TMTC4: variants seen among roughly 807,000 people sequenced by gnomAD.
TMTC4 encodes protein O-mannosyl-transferase TMTC4.
In TMTC4, 65 loss-of-function variants were observed where a neutral mutation model predicts 86.0. The observed-to-expected ratio is 0.76, with a 90% CI of 0.62 to 0.93. The LOEUF is 0.93. TMTC4 is among the 40% of genes least tolerant of loss of function. TMTC4 has a pLI of 0.00. For missense variants in TMTC4, 866 were observed against 948.1 expected (o/e 0.91, Z 1.14); for synonymous variants, 379 against 382.5 (o/e 0.99, Z 0.11).
chr13:100,650,980 T>C (rs570052430), intron 6 of TMTC4, among the ~76,000 whole-genome samples: 2 of 152,202 alleles, frequency 1.3e-5, no homozygotes, highest in Non-Finnish European at 2.9e-5. Context: ...TATACAGCTA[T>C]AGAACTACAC....
intron 12 of TMTC4, among the ~76,000 whole-genome samples, chr13:100,634,591 C>T (rs1002710774): frequency 6.6e-6 from 1 of 151,992 alleles, no homozygotes; most frequent in African/African-American, 2.4e-5. Context: ...ATACTGTCTG[C>T]TTTTAAATGA....
chr13:100,668,480 T>TA, intron 3 of TMTC4, 99 bp downstream of exon 3: 1 of 1,278,728 alleles, frequency 7.8e-7, no homozygotes, highest in Non-Finnish European at 1.1e-6. Flanking sequence ...GGCCAATGCT[T>TA]AACCTACATT....
intron 6 of TMTC4, 118 bp downstream of exon 6, chr13:100,656,263 G>A: frequency 1.3e-6 from 1 of 788,748 alleles, no homozygotes; most frequent in Non-Finnish European, 2.0e-6. Context: ...CTCTGGCCCA[G>A]ATCCCCTCAG....
intron 17 of TMTC4, among the ~76,000 whole-genome samples, chr13:100,606,854 C>T (rs1362563652): frequency 6.6e-6 from 1 of 152,188 alleles, no homozygotes; most frequent in Admixed American, 6.5e-5. Flanking sequence ...GAACCTACAA[C>T]ACTCTGGGCC....
chr13:100,665,535 A>T (rs540064038), intron 3 of TMTC4, among the ~76,000 whole-genome samples: 1 of 152,348 alleles, frequency 6.6e-6, no homozygotes, highest in South Asian at 2.1e-4. Flanking sequence ...CCTGGCAGAG[A>T]CTGCCTGGCT....
chr13:100,661,123 T>C (rs1885724950), intron 5 of TMTC4, among the ~76,000 whole-genome samples: 2 of 152,236 alleles, frequency 1.3e-5, no homozygotes. Flanking sequence ...TTTGAATGGA[T>C]GTCATGGTGG....
At chr13:100,630,067 ATG>A (rs144614010) in intron 12 of TMTC4, among the ~76,000 whole-genome samples, 10 of 120,334 alleles carry the variant, frequency 8.3e-5, no homozygotes, top group Non-Finnish European at 7.0e-5. Context: ...GTGTGTGTGT[ATG>A]TGTGTGTGTG....
intron 6 of TMTC4, among the ~76,000 whole-genome samples, chr13:100,655,080 G>A (rs1884926124): frequency 6.9e-6 from 1 of 145,538 alleles, no homozygotes; most frequent in East Asian, 2.0e-4. Flanking sequence ...GGAGTGCAGT[G>A]GCGCAATCTC....
chr13:100,606,368 A>C lies in TMTC4; in HGVS notation c.2124T>G (p.His708Gln). 6.2e-7 allele frequency: 1 copy of C among 1,613,430 alleles called. No individual in the cohort carries two copies. Among genetic ancestry groups the C allele is most frequent in the African/African-American group, 1.3e-5 (1 of 75,042 alleles). The change falls in exon 18 of 19, where the codon CAT (histidine) becomes CAG (glutamine). Residue 708 changes from histidine to glutamine, a missense_variant. His to Gln is a conservative substitution (Grantham distance 24, BLOSUM62 0). Transcript: ENST00000342624. Reference protein sequence around the residue: ...IKANPNAASYHGNLAVLYHRW... With the variant: ...IKANPNAASYQGNLAVLYHRW... Reference sequence around the variant, plus strand: ...GAACATTTTTCTTACCCAAATTACCATGGTAACTTGCAGCATTTGGATTTG... The same window carrying C: ...GAACATTTTTCTTACCCAAATTACCCTGGTAACTTGCAGCATTTGGATTTG...
At chr13:100,641,140 C>T (rs1230679717) in intron 7 of TMTC4, among the ~76,000 whole-genome samples, 1 of 152,094 alleles carries the variant, frequency 6.6e-6, no homozygotes, top group Non-Finnish European at 1.5e-5. Flanking sequence ...ACACATATTA[C>T]ACACAGAGAG....
At chr13:100,656,542 CTTTTT>C (rs35563246) in intron 5 of TMTC4, 74 bp from the exon 6 acceptor site, 573 of 385,258 alleles carry the variant, frequency 1.5e-3, no homozygotes, top group Admixed American at 1.8e-3. Context: ...GGAGACATAA[CTTTTT>C]TTTTTTTTTT....
intron 7 of TMTC4, among the ~76,000 whole-genome samples, chr13:100,641,620 TG>T (rs1883025246): frequency 6.6e-6 from 1 of 152,182 alleles, no homozygotes. Context: ...CCTGAGTAGC[TG>T]GGATTATAGG....
At chr13:100,637,127 TG>T (rs1352125862) in intron 9 of TMTC4, among the ~76,000 whole-genome samples, 3 of 152,170 alleles carry the variant, frequency 2.0e-5, no homozygotes, top group Non-Finnish European at 4.4e-5. Context: ...GCTAAGAATC[TG>T]TGGCTTGATA....
At chr13:100,634,693 C>A in intron 12 of TMTC4, 112 bp downstream of exon 12, 3 of 1,277,270 alleles carry the variant, frequency 2.3e-6, no homozygotes, top group East Asian at 2.7e-5. Context: ...CCCAAGTATT[C>A]GGTCATGGTC....
At chr13:100,664,161 A>T in intron 4 of TMTC4, 60 bp downstream of exon 4, 7 of 1,422,296 alleles carry the variant, frequency 4.9e-6, no homozygotes, top group Non-Finnish European at 6.7e-6. Flanking sequence ...ACACACCTGT[A>T]TCCAATGTCA....
chr13:100,671,659 GC>G (rs1887120807), intron 1 of TMTC4, among the ~76,000 whole-genome samples: 1 of 152,014 alleles, frequency 6.6e-6, no homozygotes, highest in Non-Finnish European at 1.5e-5. Flanking sequence ...TACCTCCAAC[GC>G]CCCTGCCCCT....
At chr13:100,611,473 C>T (rs969297166) in intron 17 of TMTC4, among the ~76,000 whole-genome samples, 8 of 152,162 alleles carry the variant, frequency 5.3e-5, no homozygotes, top group Non-Finnish European at 8.8e-5. Context: ...TAGTCCCAGC[C>T]ACTCGGGAGG....
intron 12 of TMTC4, among the ~76,000 whole-genome samples, chr13:100,632,053 ACTCTCTCTCTCT>A (rs67759381): frequency 0.013 from 568 of 43,106 alleles, 9 homozygotes; most frequent in African/African-American, 0.045. Context: ...ACACACACAC[ACTCTCTCTCTCT>A]CTCTCTCTCT....
In TMTC4 at chr13:100,664,320, G is replaced by A. The variant is rs368682558; in HGVS notation, c.236C>T (p.Thr79Met). The A allele has an allele frequency of 1.5e-4, 237 of 1,609,278 alleles. 2 individuals are homozygous for A. In the Admixed American group the frequency reaches 1.5e-3, roughly 10 times the overall value. Residue 79 changes from threonine (T) to methionine (M), a missense_variant, in exon 4 of 19, where the codon ACG becomes ATG. Coordinates refer to ENST00000342624, the MANE Select transcript of TMTC4 (RefSeq NM_032813.5). ...ATGATGCCACAGGTCCCCCAGGGGC[G>A]TTTCTGCTTGGAGGTCCTGCAGGGT... ...IVNNKDLQAE[T>M]PLGDLWHHDF...
Sources: allele counts gnomAD v4.1 joint callset (sites outside exome capture counted in the v4.1 genomes callset), GRCh38; gene constraint gnomAD v4.1.1; transcripts MANE v1.5; gene names NCBI Gene and HGNC (gene_info 2026-07-23, HGNC 2026-07-21).